ZNF710: variants seen among roughly 807,000 people sequenced by gnomAD.
ZNF710 encodes the protein zinc finger protein 710.
In ZNF710, 13 loss-of-function variants were observed where a neutral mutation model predicts 50.6. The ratio of observed to expected loss-of-function variants is 0.26; its 90% confidence interval spans 0.17 to 0.41. ZNF710 has a LOEUF of 0.41. ZNF710 is among the 10% of genes least tolerant of loss of function. The pLI is 1.00. For synonymous variants in ZNF710, 383 were observed against 397.0 expected (o/e 0.96, Z 0.42); for missense variants, 721 against 936.6 (o/e 0.77, Z 3.01).
intron 1 of ZNF710, among the ~76,000 whole-genome samples, chr15:90,010,774 A>C (rs1898277150): frequency 6.6e-6 from 1 of 152,102 alleles, no homozygotes; most frequent in Non-Finnish European, 1.5e-5. Flanking sequence ...TTTTAGAGAA[A>C]GGATCTTGCT....
intron 1 of ZNF710, among the ~76,000 whole-genome samples, chr15:90,031,233 T>C (rs1898939741): frequency 6.6e-6 from 1 of 152,156 alleles, no homozygotes. Flanking sequence ...AACACATTGA[T>C]TGAAGTGAAT....
intron 2 of ZNF710, 59 bp from the exon 3 acceptor site, chr15:90,073,012 G>A (rs1327789276): frequency 1.9e-6 from 3 of 1,560,686 alleles, no homozygotes; most frequent in Non-Finnish European, 2.6e-6. Flanking sequence ...CCCCACAAAG[G>A]GTCACTGCCA....
intron 1 of ZNF710, among the ~76,000 whole-genome samples, chr15:90,048,641 T>C (rs1308025007): frequency 6.6e-6 from 1 of 151,962 alleles, no homozygotes; most frequent in African/African-American, 2.4e-5. Flanking sequence ...AGGAGTGTGA[T>C]CCCAGAAAGA....
At chr15:90,037,208 C>T (rs943382319) in intron 1 of ZNF710, among the ~76,000 whole-genome samples, 4 of 152,174 alleles carry the variant, frequency 2.6e-5, no homozygotes, top group African/African-American at 4.8e-5. Context: ...GTTCATTCCC[C>T]GGGTGGCCCA....
chr15:90,050,658 G>A (rs527379267), intron 1 of ZNF710, among the ~76,000 whole-genome samples: 2 of 152,334 alleles, frequency 1.3e-5, no homozygotes, highest in East Asian at 1.9e-4. Context: ...ACAGACCAAG[G>A]TGTGAGTGGT....
At chr15:90,053,792 C>T (rs1264399855) in intron 1 of ZNF710, among the ~76,000 whole-genome samples, 1 of 152,106 alleles carries the variant, frequency 6.6e-6, no homozygotes, top group Non-Finnish European at 1.5e-5. Context: ...TGGGATGCCT[C>T]CTCCCAGGGA....
rs1266403436 is a variant in ZNF710, at chr15:90,062,727, G to C, written c.-28-4383G>C. On this transcript the variant is annotated intron_variant, in intron 1 of 4. Transcript: ENST00000268154. The surrounding 1 kb of genome is among the most constrained non-coding windows in gnomAD (Gnocchi z 5.6). Reference sequence around the variant, plus strand: ...GGAGGAGGGAGAACAGAGTGATACCGGGCCTCCCCACTCCTCATTTCCGTG... The same window carrying C: ...GGAGGAGGGAGAACAGAGTGATACCCGGCCTCCCCACTCCTCATTTCCGTG... Among the ~76,000 whole-genome samples, 1 of 152,162 alleles carries C rather than the reference G, an allele frequency of 6.6e-6. No homozygotes were observed. The highest frequency in any genetic ancestry group is 6.5e-5 in the Admixed American group (1 of 15,276).
At chr15:90,013,593 A>T (rs1596265283) in intron 1 of ZNF710, among the ~76,000 whole-genome samples, 1 of 152,262 alleles carries the variant, frequency 6.6e-6, no homozygotes, top group East Asian at 1.9e-4. Flanking sequence ...CAGAACCTAA[A>T]CCCACATAAG....
intron 1 of ZNF710, among the ~76,000 whole-genome samples, chr15:90,017,411 A>T (rs1194103335): frequency 6.6e-6 from 1 of 152,200 alleles, no homozygotes. Context: ...CACCAGGGGA[A>T]GAATTTGATG....
At chr15:90,063,451 C>T (rs1457284033) in intron 1 of ZNF710, among the ~76,000 whole-genome samples, 1 of 152,056 alleles carries the variant, frequency 6.6e-6, no homozygotes, top group Admixed American at 6.5e-5. Context: ...GTAGGTCTTC[C>T]GTGGTGTTTG....
chr15:90,067,807 GC>G lies in ZNF710; in HGVS notation c.676del (p.Leu226Ter), dbSNP rs1296295898. ...GTGTGGGTTCGAGCCACCCCACCTG[GC>G]CCCCCTGAGTGACCCCGAGGCCCCC... is the stretch of plus-strand genomic sequence containing the variant. Reference protein sequence around the residue: ...TECGFEPPHLAPLSDPEAPSM... With the variant: ...TECGFEPPHLXPLSDPEAPSM... On this transcript the variant is annotated frameshift_variant, in exon 2 of 5. Transcript: ENST00000268154. LOFTEE classifies it high-confidence loss of function. The surrounding 1 kb of genome is among the most constrained non-coding windows in gnomAD (Gnocchi z 8.1). The G allele has an allele frequency of 1.3e-6, 2 of 1,582,134 alleles. No individual in the cohort carries two copies. The highest frequency in any genetic ancestry group is 1.7e-5 in the Admixed American group (1 of 58,046).
At chr15:90,045,467 A>G (rs766475564) in intron 1 of ZNF710, 188 of 913,344 alleles carry the variant, frequency 2.1e-4, no homozygotes, top group Non-Finnish European at 2.4e-4. Flanking sequence ...AGGTGAGCGC[A>G]GAAGCCATGA....
At chr15:90,017,692 T>A (rs1356100505) in intron 1 of ZNF710, among the ~76,000 whole-genome samples, 1 of 152,082 alleles carries the variant, frequency 6.6e-6, no homozygotes, top group Non-Finnish European at 1.5e-5. Context: ...GGTGGGAGTG[T>A]CTTGAACAGC....
At chr15:90,051,474 A>G (rs1408090261) in intron 1 of ZNF710, among the ~76,000 whole-genome samples, 1 of 151,754 alleles carries the variant, frequency 6.6e-6, no homozygotes, top group Non-Finnish European at 1.5e-5. Context: ...CTCTACTAAA[A>G]ATACAAAAAT....
intron 1 of ZNF710, among the ~76,000 whole-genome samples, chr15:90,020,603 CAT>C (rs1299159526): frequency 1.3e-5 from 2 of 152,234 alleles, no homozygotes; most frequent in Admixed American, 6.5e-5. Context: ...CCTGACGCCT[CAT>C]GTGTGTTGGA....
chr15:90,074,596 G>C lies in ZNF710; in HGVS notation c.1825+306G>C, dbSNP rs906044048. On this transcript the variant is annotated intron_variant, in intron 4 of 4. Transcript: ENST00000268154. ...TCATGTGATCCTCAAAGCGAGGTTG[G>C]CTCTGTCATTGTCATCGTTTTACAG... 6.9e-6 allele frequency: 8 copies of C among 1,162,400 alleles called. No homozygotes were observed. The African/African-American group carries it at 1.3e-4, about 18-fold the overall frequency. 72.0% of individuals were successfully genotyped at this position (1,162,400 alleles called of 1,614,324 possible).
At chr15:90,073,365 C>G in intron 3 of ZNF710, 103 bp downstream of exon 3, 1 of 1,387,920 alleles carries the variant, frequency 7.2e-7, no homozygotes, top group East Asian at 2.3e-5. Context: ...CTGGCCAGTG[C>G]GGGCAAGAGG....
chr15:90,016,303 C>G (rs1173403902), intron 1 of ZNF710, among the ~76,000 whole-genome samples: 1 of 152,034 alleles, frequency 6.6e-6, no homozygotes, highest in African/African-American at 2.4e-5. Flanking sequence ...ATTTTTAGAC[C>G]GAGAAACTGA....
chr15:90,017,371 T>G (rs1009356511), intron 1 of ZNF710, among the ~76,000 whole-genome samples: 4 of 152,174 alleles, frequency 2.6e-5, no homozygotes, highest in African/African-American at 9.7e-5. Context: ...CCATATATAA[T>G]ACAAGGCTGT....
Sources: gnomAD v4.1 joint callset for allele counts (sites outside exome capture counted in the v4.1 genomes callset) on GRCh38, gnomAD v4.1.1 for gene constraint, Gnocchi (gnomAD v3.1) non-coding constraint, MANE v1.5 for transcripts, NCBI Gene and HGNC (gene_info 2026-07-23, HGNC 2026-07-21) for gene names.